LIN28B: variants seen among roughly 807,000 people sequenced by gnomAD.
The protein encoded by LIN28B is lin-28 RNA binding posttranscriptional regulator B.
Under a neutral mutation model 21.9 loss-of-function variants are expected in LIN28B, and 5 were observed. The observed-to-expected ratio is 0.23, with a 90% confidence interval of 0.12 to 0.48. The LOEUF is 0.48. LIN28B is among the 20% of genes least tolerant of loss of function. The pLI is 0.98. For synonymous variants in LIN28B, 109 were observed against 111.3 expected (o/e 0.98, Z 0.13); for missense variants, 245 against 310.5 (o/e 0.79, Z 1.58).
intron 3 of LIN28B, among the ~76,000 whole-genome samples, chr6:105,053,900 C>G (rs146383794): frequency 6.6e-6 from 1 of 152,080 alleles, no homozygotes; most frequent in Non-Finnish European, 1.5e-5. Context: ...CCTGCCACCA[C>G]GCCCAGCTAA....
At chr6:104,991,853 AAAT>A (rs1390167218) in intron 2 of LIN28B, among the ~76,000 whole-genome samples, 1 of 152,190 alleles carries the variant, frequency 6.6e-6, no homozygotes, top group Non-Finnish European at 1.5e-5. Context: ...TCCACCAAAA[AAAT>A]ACGAAAACAG....
At chr6:104,942,627 T>C (rs1778110018) in intron 2 of LIN28B, among the ~76,000 whole-genome samples, 1 of 152,166 alleles carries the variant, frequency 6.6e-6, no homozygotes, top group African/African-American at 2.4e-5. Context: ...CAATAATAAT[T>C]ACACCCTTGT....
intron 2 of LIN28B, among the ~76,000 whole-genome samples, chr6:104,941,629 T>C (rs1433596878): frequency 6.6e-6 from 1 of 151,962 alleles, no homozygotes; most frequent in African/African-American, 2.4e-5. Flanking sequence ...CGAACTGCTT[T>C]GTACCGGGCA....
At chr6:105,014,480 T>C (rs1197859501) in intron 2 of LIN28B, among the ~76,000 whole-genome samples, 1 of 152,114 alleles carries the variant, frequency 6.6e-6, no homozygotes, top group East Asian at 1.9e-4. Context: ...CCACCACGCC[T>C]GGCTAATTTT....
chr6:105,011,132 G>T (rs1424273438), intron 2 of LIN28B, among the ~76,000 whole-genome samples: 1 of 152,052 alleles, frequency 6.6e-6, no homozygotes, highest in African/African-American at 2.4e-5. Context: ...CATAGGAAAG[G>T]GCCAGTATGC....
At chr6:105,064,955 ATC>A (rs1188137175) in intron 3 of LIN28B, among the ~76,000 whole-genome samples, 1 of 152,186 alleles carries the variant, frequency 6.6e-6, no homozygotes. Flanking sequence ...GTGCAAATAA[ATC>A]TGTTAACATG....
intron 3 of LIN28B, among the ~76,000 whole-genome samples, chr6:105,044,526 C>G (rs1056618428): frequency 6.6e-6 from 1 of 152,038 alleles, no homozygotes; most frequent in Non-Finnish European, 1.5e-5. Context: ...GTACAGGAAT[C>G]TCAGTTTTAC....
chr6:104,961,779 C>A (rs943857945), intron 2 of LIN28B, among the ~76,000 whole-genome samples: 1 of 152,100 alleles, frequency 6.6e-6, no homozygotes, highest in African/African-American at 2.4e-5. Flanking sequence ...AATACTCTTA[C>A]CAGTTTCTTA....
chr6:104,999,144 A>G (rs1770670328), intron 2 of LIN28B, among the ~76,000 whole-genome samples: 1 of 152,162 alleles, frequency 6.6e-6, no homozygotes, highest in African/African-American at 2.4e-5. Context: ...AAGTTTGGCA[A>G]TGTTATTATT....
intron 3 of LIN28B, among the ~76,000 whole-genome samples, chr6:105,049,347 T>G (rs1018773972): frequency 6.6e-6 from 1 of 152,230 alleles, no homozygotes; most frequent in African/African-American, 2.4e-5. Flanking sequence ...TCTAGTTTGA[T>G]TGCACTGTGG....
chr6:104,947,511 A>G (rs1778170192), intron 2 of LIN28B, among the ~76,000 whole-genome samples: 1 of 152,208 alleles, frequency 6.6e-6, no homozygotes, highest in Admixed American at 6.5e-5. Context: ...TTAACAATGA[A>G]CAATATATAA....
chr6:105,006,028 G>T (rs922285339), intron 2 of LIN28B, among the ~76,000 whole-genome samples: 1 of 152,162 alleles, frequency 6.6e-6, no homozygotes, highest in African/African-American at 2.4e-5. Flanking sequence ...TTCTGACTTT[G>T]TGTCTGTTTC....
chr6:105,038,780 C>G (rs959159720), intron 3 of LIN28B, among the ~76,000 whole-genome samples: 9 of 151,988 alleles, frequency 5.9e-5, no homozygotes, highest in African/African-American at 2.2e-4. Flanking sequence ...AAAACAAAGC[C>G]TGACAGAAAT....
chr6:104,973,246 T>G lies in LIN28B; in HGVS notation c.198+14960T>G, dbSNP rs1468415645. ...AAGCCATTAATATTCCTAATAGTAA[T>G]TCAGAATTTCCTTTGATATTTAATG... is the stretch of plus-strand genomic sequence containing the variant. On this transcript the variant is annotated intron_variant, in intron 2 of 3. Transcript: ENST00000345080. Among the ~76,000 whole-genome samples, 7 of 152,308 alleles carry G rather than the reference T, an allele frequency of 4.6e-5. No individual in the cohort carries two copies. The East Asian group carries it at 1.2e-3, about 25-fold the overall frequency.
rs931092978 is a variant in LIN28B, at chr6:105,079,713, C to T, written c.*930C>T. ...TCCCTTGGCTAACTCAATCTTCTAC[C>T]CATTGCTTAGAGCAGGGAGCCCTCC... On this transcript the variant is annotated 3_prime_UTR_variant, in exon 4 of 4. Coordinates refer to ENST00000345080, the MANE Select transcript of LIN28B (RefSeq NM_001004317.4). 1 of 152,308 alleles carries T rather than the reference C, an allele frequency of 6.6e-6. No homozygotes were observed. The highest frequency in any genetic ancestry group is 2.4e-5 in the African/African-American group (1 of 41,414). The allele number at this position is 152,308 out of a possible 1,614,324, so 9.4% of individuals were successfully genotyped here.
At chr6:104,973,286 C>A (rs1770016741) in intron 2 of LIN28B, among the ~76,000 whole-genome samples, 2 of 151,738 alleles carry the variant, frequency 1.3e-5, no homozygotes. Context: ...ATATATATTC[C>A]AAAATCTCTT....
At chr6:105,070,071 T>G (rs1772301947) in intron 3 of LIN28B, among the ~76,000 whole-genome samples, 1 of 152,200 alleles carries the variant, frequency 6.6e-6, no homozygotes, top group South Asian at 2.1e-4. Context: ...TATTCTCTTT[T>G]GAACCACATT....
chr6:105,013,494 T>C (rs891077419), intron 2 of LIN28B, among the ~76,000 whole-genome samples: 1 of 151,878 alleles, frequency 6.6e-6, no homozygotes, highest in Non-Finnish European at 1.5e-5. Context: ...TCCCAGCACT[T>C]TGGGAGGTTG....
At chr6:105,021,059 A>G (rs1275472602) in intron 2 of LIN28B, among the ~76,000 whole-genome samples, 1 of 151,950 alleles carries the variant, frequency 6.6e-6, no homozygotes, top group Non-Finnish European at 1.5e-5. Context: ...CTGGCCTATC[A>G]TTGCACTCTT....
Sources: allele counts gnomAD v4.1 joint callset (sites outside exome capture counted in the v4.1 genomes callset), GRCh38; gene constraint gnomAD v4.1.1; transcripts MANE v1.5; gene names NCBI Gene and HGNC (gene_info 2026-07-23, HGNC 2026-07-21).